The following PARVB variants were observed in gnomAD, a reference collection of about 807,000 sequenced individuals.
The protein encoded by PARVB is beta-parvin.
PARVB carries 46 observed loss-of-function variants against 47.0 expected under a neutral mutation model. The ratio of observed to expected loss-of-function variants is 0.98; its 90% CI spans 0.77 to 1.25. The LOEUF (loss-of-function observed/expected upper bound fraction) is 1.25, where lower values mean the gene tolerates loss of function less well. Among genes scored for constraint, PARVB ranks in the 50% most tolerant of loss-of-function variants. The pLI is 0.00. For missense variants in PARVB, 473 were observed against 471.6 expected (o/e 1.00, Z -0.03); for synonymous variants, 196 against 196.3 (o/e 1.00, Z 0.01).
Position 44,049,302 on chromosome 22 carries a change from A to T in PARVB, c.112+24851A>T, listed in dbSNP as rs2051166909. ...GAACAATACCCATAGTGCTTGGCGTAGACAATCAGCAAAGCTAGGGACCCG... is the reference window on the plus strand; with the variant it reads ...GAACAATACCCATAGTGCTTGGCGTTGACAATCAGCAAAGCTAGGGACCCG... On this transcript the variant is annotated intron_variant, in intron 1 of 12. Transcript: ENST00000338758. This position sits in a 1 kb window ranked among gnomAD's most constrained non-coding sequence, Gnocchi z 4.0. Among the ~76,000 whole-genome samples the T allele has an allele frequency of 6.6e-6, 1 of 152,212 alleles. No individual in the cohort carries two copies. The highest frequency in any genetic ancestry group is 6.5e-5 in the Admixed American group (1 of 15,280).
At chr22:44,082,193 G>A (rs919534707) in intron 1 of PARVB, among the ~76,000 whole-genome samples, 13 of 152,318 alleles carry the variant, frequency 8.5e-5, no homozygotes, top group African/African-American at 2.6e-4. Flanking sequence ...GTAGGTTCCC[G>A]TGCTCCGGAA....
chr22:44,010,380 G>A (rs1416095564), intron 2 of PARVB: 3 of 152,180 alleles, frequency 2.0e-5, no homozygotes, highest in South Asian at 2.1e-4. Context: ...TCCCTGGGGC[G>A]GCTGCACTGT....
At chr22:44,034,973 A>T (rs146032667) in intron 1 of PARVB, among the ~76,000 whole-genome samples, 152 of 152,166 alleles carry the variant, frequency 1.0e-3, no homozygotes, top group African/African-American at 3.4e-3. Flanking sequence ...AGCCTTCCAA[A>T]GTACTGGTAT....
chr22:44,118,775 G>A (rs1381419449), intron 3 of PARVB, among the ~76,000 whole-genome samples: 1 of 151,956 alleles, frequency 6.6e-6, no homozygotes, highest in Non-Finnish European at 1.5e-5. Flanking sequence ...CCACAGAGCT[G>A]TACAGCCTCT....
At chr22:44,133,071 T>A in intron 6 of PARVB, 62 bp downstream of exon 6, 1 of 1,182,938 alleles carries the variant, frequency 8.5e-7, no homozygotes, top group Non-Finnish European at 1.2e-6. Context: ...ATCTTCCTCC[T>A]GCAGTTTTCC....
chr22:44,035,442 C>G (rs897542902), intron 1 of PARVB, among the ~76,000 whole-genome samples: 2 of 147,230 alleles, frequency 1.4e-5, no homozygotes, highest in African/African-American at 5.0e-5. Flanking sequence ...GCGATCTCGG[C>G]TCACTGCAGC....
chr22:44,130,041 G>A (rs2053275826), intron 4 of PARVB, among the ~76,000 whole-genome samples: 1 of 152,220 alleles, frequency 6.6e-6, no homozygotes, highest in Non-Finnish European at 1.5e-5. Context: ...CTGCTGGGGA[G>A]ATAACACTGA....
At chr22:44,119,951 C>T in intron 4 of PARVB, 1 of 454,484 alleles carries the variant, frequency 2.2e-6, no homozygotes. Flanking sequence ...GCAGATGATG[C>T]ATGAGAGGAA....
chr22:44,140,312 G>A (rs2053526543), intron 8 of PARVB, 169 bp downstream of exon 8: 3 of 750,122 alleles, frequency 4.0e-6, no homozygotes, highest in Non-Finnish European at 7.3e-6. Context: ...CCACCTTTCT[G>A]TATAATGGGC....
At chr22:44,083,057 C>T (rs1225461264) in intron 1 of PARVB, among the ~76,000 whole-genome samples, 5 of 152,082 alleles carry the variant, frequency 3.3e-5, no homozygotes, top group South Asian at 4.2e-4. Context: ...TCCCTAATTG[C>T]GGAGCGGACT....
chr22:44,167,802 G>A (rs964319928), intron 12 of PARVB, among the ~76,000 whole-genome samples: 5 of 152,208 alleles, frequency 3.3e-5, no homozygotes, highest in Non-Finnish European at 7.3e-5. Context: ...CAGCACACTC[G>A]TGGGCAGGTC....
At chr22:44,076,225 G>A (rs1419761894) in intron 1 of PARVB, among the ~76,000 whole-genome samples, 1 of 152,214 alleles carries the variant, frequency 6.6e-6, no homozygotes. Context: ...GGGCCCCATG[G>A]CAGCTGAGTC....
At chr22:44,144,776 C>CA (rs2053628163) in intron 8 of PARVB, 2 of 152,240 alleles carry the variant, frequency 1.3e-5, no homozygotes, top group South Asian at 4.1e-4. Context: ...GCCTGGGTGA[C>CA]AGAGTGAGAC....
chr22:44,141,708 A>C (rs769187618), intron 8 of PARVB: 1 of 152,314 alleles, frequency 6.6e-6, no homozygotes, highest in Non-Finnish European at 1.5e-5. Context: ...CGGGGCTTGA[A>C]TTGAGAAGAT....
intron 1 of PARVB, among the ~76,000 whole-genome samples, chr22:44,040,491 G>T (rs1161140027): frequency 6.6e-6 from 1 of 152,168 alleles, no homozygotes; most frequent in African/African-American, 2.4e-5. Flanking sequence ...GGGTCCTTAT[G>T]AGAAGGAGGC....
chr22:44,042,085 A>T (rs1282212495), intron 1 of PARVB, among the ~76,000 whole-genome samples: 2 of 152,076 alleles, frequency 1.3e-5, no homozygotes, highest in South Asian at 2.1e-4. Flanking sequence ...AATAATAAAC[A>T]TACAATGAGG....
At position 44,168,837 on chromosome 22, in the gene PARVB, C is replaced by T; in HGVS notation, c.*159C>T. 1.7e-6 allele frequency: 1 copy of T among 594,852 alleles called. No individual in the cohort carries two copies. The highest frequency in any genetic ancestry group is 2.0e-5 in the South Asian group (1 of 50,038). The allele number at this position is 594,852 out of a possible 1,614,324, so 36.8% of individuals were successfully genotyped here. A position where few individuals can be genotyped will look rare whatever the true frequency, so the allele number is the denominator to read the frequency against. On this transcript the variant is annotated 3_prime_UTR_variant, in exon 13 of 13. Transcript: ENST00000338758. ...CCCTACCTCACGCCTGCCCCACCCC[C>T]TGCCTCTTTTGGTTGTTGTTCTTAA... is the stretch of plus-strand genomic sequence containing the variant.
intron 1 of PARVB, among the ~76,000 whole-genome samples, chr22:44,026,966 A>C (rs140942759): frequency 6.6e-6 from 1 of 151,256 alleles, no homozygotes; most frequent in Non-Finnish European, 1.5e-5. Context: ...GAGAGGGGTT[A>C]GGAAATGTGG....
intron 8 of PARVB, chr22:44,146,328 T>TTCTCACACAC (rs1255958258): frequency 5.6e-5 from 4 of 72,038 alleles, no homozygotes; most frequent in Non-Finnish European, 1.0e-4. Flanking sequence ...CGCACACATG[T>TTCTCACACAC]GCTCACGTGC....
Sources: gnomAD v4.1 joint callset for allele counts (sites outside exome capture counted in the v4.1 genomes callset) on GRCh38, gnomAD v4.1.1 for gene constraint, Gnocchi (gnomAD v3.1) non-coding constraint, MANE v1.5 for transcripts, NCBI Gene and HGNC (gene_info 2026-07-23, HGNC 2026-07-21) for gene names.